SDK1: variants seen among roughly 807,000 people sequenced by gnomAD.
The protein encoded by SDK1 is protein sidekick-1.
In SDK1, 157 loss-of-function variants were observed where a neutral mutation model predicts 245.5. The ratio of observed to expected loss-of-function variants is 0.64; its 90% CI spans 0.56 to 0.73. The LOEUF is 0.73. SDK1 is among the 30% of genes least tolerant of loss of function. SDK1 has a pLI of 0.00. For synonymous variants in SDK1, 1,647 were observed against 1,278.5 expected (o/e 1.29, Z -6.15); for missense variants, 3,583 against 3,002.3 (o/e 1.19, Z -4.52).
intron 1 of SDK1, among the ~76,000 whole-genome samples, chr7:3,395,508 TGTGA>T (rs1781874375): frequency 6.6e-6 from 1 of 151,872 alleles, no homozygotes; most frequent in Non-Finnish European, 1.5e-5. Context: ...TAGAATGAGA[TGTGA>T]GTAATATTCT....
chr7:3,306,985 G>A (rs7808733), intron 1 of SDK1, among the ~76,000 whole-genome samples: 3 of 152,140 alleles, frequency 2.0e-5, no homozygotes, highest in Non-Finnish European at 2.9e-5. Flanking sequence ...GTCCAAATGC[G>A]TTGAAAGTTG....
chr7:3,832,268 G>C (rs1451149237), intron 5 of SDK1, among the ~76,000 whole-genome samples: 3 of 152,142 alleles, frequency 2.0e-5, no homozygotes, highest in African/African-American at 7.2e-5. Context: ...TACTTATTGA[G>C]ATGATTTATA....
intron 7 of SDK1, among the ~76,000 whole-genome samples, chr7:3,956,286 C>G (rs988716617): frequency 2.6e-5 from 4 of 152,206 alleles, no homozygotes; most frequent in African/African-American, 9.6e-5. Flanking sequence ...CAGTGTTTAA[C>G]TCACGGGCTT....
intron 1 of SDK1, among the ~76,000 whole-genome samples, chr7:3,463,541 T>C (rs1226599381): frequency 8.9e-6 from 1 of 112,204 alleles, no homozygotes; most frequent in Non-Finnish European, 1.7e-5. Flanking sequence ...AAGTGCATAA[T>C]TTAGTGCCAG....
chr7:3,549,020 C>T (rs117954118), intron 1 of SDK1, among the ~76,000 whole-genome samples: 1 of 152,212 alleles, frequency 6.6e-6, no homozygotes, highest in Non-Finnish European at 1.5e-5. Flanking sequence ...CGCCCCCCTT[C>T]CTCCTGCAGC....
At chr7:3,755,669 T>G (rs1435877575) in intron 4 of SDK1, among the ~76,000 whole-genome samples, 3 of 152,120 alleles carry the variant, frequency 2.0e-5, no homozygotes, top group Non-Finnish European at 4.4e-5. Context: ...AACCAACTCC[T>G]TCCCCCCAAC....
chr7:3,973,996 A>G (rs1374782325), intron 12 of SDK1, among the ~76,000 whole-genome samples: 1 of 152,082 alleles, frequency 6.6e-6, no homozygotes, highest in East Asian at 1.9e-4. Flanking sequence ...AGCCTGGGCC[A>G]CATGGCAAAA....
chr7:3,637,668 T>G (rs182280713), intron 2 of SDK1, among the ~76,000 whole-genome samples: 1,679 of 152,356 alleles, frequency 0.011, 9 homozygotes, highest in Non-Finnish European at 0.018. Context: ...ATTTTTTTCC[T>G]TTGAAATTGT....
intron 1 of SDK1, among the ~76,000 whole-genome samples, chr7:3,308,478 C>G (rs1016742079): frequency 1.2e-4 from 19 of 152,198 alleles, no homozygotes; most frequent in African/African-American, 4.1e-4. Flanking sequence ...TTAACTGGCA[C>G]TTTATTGATA....
chr7:3,525,735 C>T lies in SDK1; in HGVS notation c.299-93345C>T, dbSNP rs536305438. Among the ~76,000 whole-genome samples the T allele has an allele frequency of 5.3e-5, 8 of 152,218 alleles. No individual in the cohort carries two copies. In the East Asian group the frequency reaches 1.5e-3, roughly 29 times the overall value. ...TTCCAAATGACTTCTCCCAAATGCC[C>T]TATTATTTCCTGTCTCCATTGTAAA... On this transcript the variant is annotated intron_variant, in intron 1 of 44. Transcript: ENST00000404826.
At chr7:4,029,280 C>T (rs1176836136) in intron 17 of SDK1, among the ~76,000 whole-genome samples, 1 of 141,848 alleles carries the variant, frequency 7.0e-6, no homozygotes, top group Non-Finnish European at 1.5e-5. Context: ...GGCACAATCT[C>T]AGCTCACTGC....
rs368110487 is a variant in SDK1, at chr7:3,707,522, C to T, written c.713+65417C>T. ...ATATGCTGATGAGAAGAATGTGTAT[C>T]TGCAGTTCTTGGGTAGAATGTTCTG... On this transcript the variant is annotated intron_variant, in intron 4 of 44. Coordinates refer to ENST00000404826, the MANE Select transcript of SDK1 (RefSeq NM_152744.4). Among the ~76,000 whole-genome samples, 53 of 152,308 alleles carry T rather than the reference C, an allele frequency of 3.5e-4. 1 individual carries two copies. Among genetic ancestry groups the T allele is most frequent in the African/African-American group, 1.3e-3 (53 of 41,576 alleles).
At chr7:4,143,216 C>G (rs990391933) in intron 28 of SDK1, among the ~76,000 whole-genome samples, 33 of 152,224 alleles carry the variant, frequency 2.2e-4, no homozygotes, top group Middle Eastern at 3.4e-3. Context: ...GGCACCACGC[C>G]CATATCAGTG....
intron 21 of SDK1, among the ~76,000 whole-genome samples, chr7:4,078,866 A>G (rs4723385): frequency 1 from 151,942 of 152,270 alleles, 75,807 homozygotes; most frequent in Middle Eastern, 1. Context: ...AGAAGCAGAG[A>G]AAGGAGAGTT....
chr7:3,993,661 C>T (rs963974927), intron 14 of SDK1, among the ~76,000 whole-genome samples: 3 of 152,144 alleles, frequency 2.0e-5, no homozygotes, highest in Non-Finnish European at 4.4e-5. Context: ...TGAAAGCCAG[C>T]CCTGCACCCA....
intron 5 of SDK1, among the ~76,000 whole-genome samples, chr7:3,910,350 T>A (rs1446681680): frequency 1.3e-5 from 2 of 152,330 alleles, no homozygotes; most frequent in East Asian, 1.9e-4. Context: ...AACAGTATTA[T>A]GTGTACAAAG....
At chr7:3,636,063 G>A (rs1045692813) in intron 2 of SDK1, among the ~76,000 whole-genome samples, 1 of 151,862 alleles carries the variant, frequency 6.6e-6, no homozygotes, top group Admixed American at 6.6e-5. Context: ...TTTTTAATAC[G>A]ATCAACATAG....
Position 3,974,669 on chromosome 7 carries a change from A to C in SDK1, c.1994+124A>C, listed in dbSNP as rs909061253. On this transcript the variant is annotated intron_variant, in intron 13 of 44. Coordinates refer to ENST00000404826, the MANE Select transcript of SDK1 (RefSeq NM_152744.4). ...TGTCCCAAGTCAGCGGTCAGAGGCC[A>C]GCGCATCATGCTGCATAACTACATA... is the stretch of plus-strand genomic sequence containing the variant. 4.0e-5 allele frequency: 33 copies of C among 823,602 alleles called. No homozygotes were observed. The African/African-American group carries it at 4.9e-4, about 12-fold the overall frequency. 51.0% of individuals were successfully genotyped at this position (823,602 alleles called of 1,614,324 possible).
intron 28 of SDK1, among the ~76,000 whole-genome samples, chr7:4,143,020 G>A (rs1370724674): frequency 6.6e-6 from 1 of 152,134 alleles, no homozygotes; most frequent in East Asian, 1.9e-4. Flanking sequence ...CATTTTAAGG[G>A]GGAACTCCGA....
Sources: gnomAD v4.1 joint callset for allele counts (sites outside exome capture counted in the v4.1 genomes callset) on GRCh38, gnomAD v4.1.1 for gene constraint, MANE v1.5 for transcripts, NCBI Gene and HGNC (gene_info 2026-07-23, HGNC 2026-07-21) for gene names.